The following TACC2 variants were observed in gnomAD, a reference collection of about 807,000 sequenced individuals.
TACC2 encodes transforming acidic coiled-coil containing protein 2, also known as transforming acidic coiled-coil-containing protein 2.
In TACC2, 137 loss-of-function variants were observed where a neutral mutation model predicts 227.3. The observed-to-expected ratio is 0.60, with a 90% confidence interval of 0.52 to 0.69. The LOEUF (loss-of-function observed/expected upper bound fraction) is 0.69, where lower values mean the gene tolerates loss of function less well. Ranked by LOEUF, TACC2 falls within the 30% of genes least tolerant of loss-of-function variation. The probability of loss-of-function intolerance (pLI) is 0.00; values close to 1 mark genes in which losing one functional copy is unlikely to be tolerated. For missense variants in TACC2, 3,470 were observed against 3,694.4 expected (o/e 0.94, Z 1.57); for synonymous variants, 1,523 against 1,487.5 (o/e 1.02, Z -0.55).
chr10:122,072,277 A>G (rs1403352717), intron 3 of TACC2, among the ~76,000 whole-genome samples: 3 of 152,114 alleles, frequency 2.0e-5, no homozygotes, highest in African/African-American at 7.2e-5. Context: ...TTTAGAATCT[A>G]CACATATTTT....
intron 3 of TACC2, among the ~76,000 whole-genome samples, chr10:122,070,345 A>G (rs1309214719): frequency 5.9e-5 from 9 of 152,216 alleles, no homozygotes; most frequent in East Asian, 3.8e-4. Context: ...ATGGTGGCTC[A>G]TGCCTATAAT....
chr10:122,036,355 G>A (rs1960355083), intron 2 of TACC2, among the ~76,000 whole-genome samples: 1 of 151,848 alleles, frequency 6.6e-6, no homozygotes, highest in African/African-American at 2.4e-5. Flanking sequence ...ACCACGCCCG[G>A]CTAATTTTTT....
intron 3 of TACC2, among the ~76,000 whole-genome samples, chr10:122,058,177 G>C (rs1283844812): frequency 6.6e-6 from 1 of 152,192 alleles, no homozygotes; most frequent in Admixed American, 6.5e-5. Flanking sequence ...AGTGAGCATG[G>C]GGTGTAACAT....
Position 122,087,859 on chromosome 10 carries a change from G to C in TACC2, c.5359G>C (p.Ala1787Pro). ...EQPGPERPIPAGDGKVCVSSP... is the reference protein window; with the variant it reads ...EQPGPERPIPPGDGKVCVSSP... ...GCCAGGGCCTGAGCGCCCCATTCCA[G>C]CTGGGGATGGGAAGGTGTGCGTCTC... The change falls in exon 4 of 23, where the codon GCT becomes CCT. Residue 1787 changes from alanine (A) to proline (P), a missense_variant. Ala to Pro is a conservative substitution (Grantham distance 27, BLOSUM62 -1). Transcript: ENST00000369005. The C allele has an allele frequency of 6.6e-7, 1 of 1,523,846 alleles. No individual in the cohort carries two copies. Among genetic ancestry groups the C allele is most frequent in the Non-Finnish European group, 8.8e-7 (1 of 1,136,790 alleles). The allele number at this position is 1,523,846 out of a possible 1,614,324, so 94.4% of individuals were successfully genotyped here.
rs376478430 is a variant in TACC2 at position 122,224,887 on chromosome 10, C to T, written c.7608+100C>T. 43 of 979,150 alleles carry T rather than the reference C, an allele frequency of 4.4e-5. No homozygotes were observed. In the African/African-American group the frequency reaches 4.7e-4, roughly 11 times the overall value. The allele number at this position is 979,150 out of a possible 1,614,324, so 60.7% of individuals were successfully genotyped here. ...GTCTCTGGGAGCTCAGACCCCAAAT[C>T]GAGTGTTTTCTGTGTACACAGCTTC... On this transcript the variant is annotated intron_variant, in intron 12 of 22. Coordinates refer to ENST00000369005, the MANE Select transcript of TACC2 (RefSeq NM_206862.4).
chr10:122,244,380 C>A (rs1036952292), intron 19 of TACC2, among the ~76,000 whole-genome samples: 1 of 152,186 alleles, frequency 6.6e-6, no homozygotes, highest in South Asian at 2.1e-4. Context: ...CCTCATTCAC[C>A]CATTGACCGT....
At chr10:122,098,181 G>T (rs1457096725) in intron 5 of TACC2, among the ~76,000 whole-genome samples, 1 of 152,188 alleles carries the variant, frequency 6.6e-6, no homozygotes, top group Non-Finnish European at 1.5e-5. Flanking sequence ...GGATCAGGAA[G>T]TTGGACATCA....
rs967106481 is a variant in TACC2, at chr10:122,210,553, T to C, written c.6128T>C (p.Ile2043Thr). The C allele has an allele frequency of 1.2e-6, 2 of 1,613,962 alleles. No individual in the cohort carries two copies. Among genetic ancestry groups the C allele is most frequent in the East Asian group, 2.2e-5 (1 of 44,876 alleles). The change falls in exon 9 of 23, where the codon ATT becomes ACT. Residue 2043 changes from isoleucine to threonine, a missense_variant. Physicochemically the swap from Ile to Thr is moderately conservative, Grantham distance 89 (BLOSUM62 -1). Transcript: ENST00000369005. This position sits in a 1 kb window ranked among gnomAD's most constrained non-coding sequence, Gnocchi z 4.6. Reference protein sequence around the residue: ...SGTYNLDFDNIELVDTFQTLE... With the variant: ...SGTYNLDFDNTELVDTFQTLE... ...ACTTACAACTTGGACTTTGACAACA[T>C]TGAGCTTGTGGATACCTTTCAGACC...
chr10:122,146,519 C>T (rs932010579), intron 7 of TACC2, among the ~76,000 whole-genome samples: 11 of 151,976 alleles, frequency 7.2e-5, no homozygotes, highest in Non-Finnish European at 1.3e-4. Flanking sequence ...GGGAGTGGGA[C>T]TGGTGGCTTT....
At chr10:122,082,454 C>T (rs755228181) in intron 3 of TACC2, among the ~76,000 whole-genome samples, 193 bp from the exon 4 acceptor site, 1 of 151,608 alleles carries the variant, frequency 6.6e-6, no homozygotes, top group Non-Finnish European at 1.5e-5. Flanking sequence ...TTGGGGGAAA[C>T]GAGGGCATGC....
intron 11 of TACC2, among the ~76,000 whole-genome samples, chr10:122,222,920 A>T (rs1015750997): frequency 1.3e-5 from 2 of 152,162 alleles, no homozygotes; most frequent in African/African-American, 4.8e-5. Flanking sequence ...CTCAACTTAA[A>T]CAGCTTATAA....
In TACC2 at chr10:122,108,038, C is replaced by T. The variant is rs535847670; in HGVS notation, c.5573+19447C>T. 4.1e-4 allele frequency among the ~76,000 whole-genome samples: 62 copies of T among 151,122 alleles called. 2 individuals carry two copies. Among genetic ancestry groups the T allele is most frequent in the South Asian group, 3.4e-3 (16 of 4,758 alleles). On this transcript the variant is annotated intron_variant, in intron 5 of 22. Coordinates refer to ENST00000369005, the MANE Select transcript of TACC2 (RefSeq NM_206862.4). ...TCCCGAGTAGCTGGGACTACAGGCA[C>T]CCACCACCACGCCCGGCTAATTTTT...
At chr10:122,181,386 G>T (rs1365576796) in intron 7 of TACC2, among the ~76,000 whole-genome samples, 1 of 152,180 alleles carries the variant, frequency 6.6e-6, no homozygotes, top group Admixed American at 6.5e-5. Flanking sequence ...GTGTTAAGGT[G>T]AAAGATGCAA....
chr10:122,017,071 A>T lies in TACC2; in HGVS notation c.-45-4866A>T, dbSNP rs150211776. On this transcript the variant is annotated intron_variant, in intron 1 of 22. Coordinates refer to ENST00000369005, the MANE Select transcript of TACC2 (RefSeq NM_206862.4). ...TCTCGAACGTCCAGCCTCCAGGAAG[A>T]TGAGACAATAACTTGCTGAAGCCAC... is the stretch of plus-strand genomic sequence containing the variant. Among the ~76,000 whole-genome samples, 43 of 119,470 alleles carry T rather than the reference A, an allele frequency of 3.6e-4. No homozygotes were observed. In the East Asian group the frequency reaches 8.3e-3, roughly 23 times the overall value. 78.4% of individuals were successfully genotyped at this position (119,470 alleles called of 152,430 possible). A position where few individuals can be genotyped will look rare whatever the true frequency, so the allele number is the denominator to read the frequency against.
At position 122,021,097 on chromosome 10, in the gene TACC2, G is replaced by A. The variant is rs369120733; in HGVS notation, c.-45-840G>A. Among the ~76,000 whole-genome samples the A allele has an allele frequency of 1.6e-4, 25 of 152,270 alleles. No individual in the cohort carries two copies. The East Asian group carries it at 2.7e-3, about 17-fold the overall frequency. ...ATACAAAAATTAGCCAGGTGTGGTG[G>A]CGGGCGTCTGTAATCCCAGCTACTC... is the stretch of plus-strand genomic sequence containing the variant. On this transcript the variant is annotated intron_variant, in intron 1 of 22. Transcript: ENST00000369005.
chr10:122,160,538 T>TGG (rs71482691), intron 7 of TACC2, among the ~76,000 whole-genome samples: 212 of 150,788 alleles, frequency 1.4e-3, no homozygotes, highest in Non-Finnish European at 1.9e-3. Flanking sequence ...AGTGTGTGTG[T>TGG]GGGGGGGGTC....
chr10:122,167,627 A>G (rs895359715), intron 7 of TACC2, among the ~76,000 whole-genome samples: 1 of 151,692 alleles, frequency 6.6e-6, no homozygotes, highest in Non-Finnish European at 1.5e-5. Context: ...CCCTTCCCTT[A>G]TGTGGTTCCT....
intron 5 of TACC2, among the ~76,000 whole-genome samples, chr10:122,097,568 G>A (rs959299497): frequency 1.3e-5 from 2 of 151,982 alleles, no homozygotes; most frequent in African/African-American, 4.8e-5. Flanking sequence ...GACGGGGAGG[G>A]CCCTGGGAGT....
chr10:122,185,230 T>C (rs1005936794), intron 7 of TACC2, among the ~76,000 whole-genome samples: 2 of 151,442 alleles, frequency 1.3e-5, no homozygotes, highest in Non-Finnish European at 2.9e-5. Context: ...TTGCTCTTGT[T>C]GTCCAGGCTA....
Sources: allele counts gnomAD v4.1 joint callset (sites outside exome capture counted in the v4.1 genomes callset), GRCh38; gene constraint gnomAD v4.1.1; non-coding constraint Gnocchi (gnomAD v3.1); transcripts MANE v1.5; gene names NCBI Gene and HGNC (gene_info 2026-07-23, HGNC 2026-07-21).